Variants in TCEAL4 observed in about 807,000 individuals in gnomAD.
TCEAL4 encodes the protein transcription elongation factor A like 4, also known as transcription elongation factor A protein-like 4.
In TCEAL4, 1 loss-of-function variant was observed where a neutral mutation model predicts 1.3. That is an observed-to-expected ratio of 0.79 (90% CI 0.28 to 3.76). The LOEUF (loss-of-function observed/expected upper bound fraction) is 3.76, where lower values mean the gene tolerates loss of function less well. Ranked by LOEUF, TCEAL4 falls within the 30% of genes most tolerant of loss-of-function variation. TCEAL4 has a pLI of 0.18. For synonymous variants in TCEAL4, 54 were observed against 50.7 expected, an observed-to-expected ratio of 1.06 and a Z score of -0.28; for missense variants, 129 against 154.7, an observed-to-expected ratio of 0.83 and a Z score of 0.88.
In TCEAL4 at chrX:103,587,181, A is replaced by C; in HGVS notation, c.506A>C (p.Lys169Thr). The change falls in exon 3 of 3, where the codon AAG (lysine) becomes ACG (threonine). Residue 169 changes from lysine to threonine, a missense_variant. Physicochemically the swap from Lys to Thr is moderately conservative, Grantham distance 78 (BLOSUM62 -1). This residue lies in a region of TCEAL4 where 116 missense variants were observed against 120.3 expected (regional missense o/e 0.96). Coordinates refer to ENST00000472484, the MANE Select transcript of TCEAL4 (RefSeq NM_001006935.3). ...FDNMAKVQDE[K>T]RKSKQKLGAF... Reference sequence around the variant, plus strand: ...AATATGGCTAAGGTGCAGGATGAGAAGAGAAAAAGCAAACAGAAATTGGGG... The same window carrying C: ...AATATGGCTAAGGTGCAGGATGAGACGAGAAAAAGCAAACAGAAATTGGGG... 8.3e-7 allele frequency: 1 copy of C among 1,211,574 alleles called. No individual in the cohort carries two copies. Among genetic ancestry groups the C allele is most frequent in the Non-Finnish European group, 1.1e-6 (1 of 895,414 alleles).
intron 1 of TCEAL4, 125 bp downstream of exon 1, chrX:103,585,749 A>G: frequency 2.6e-6 from 3 of 1,152,152 alleles, no homozygotes; most frequent in South Asian, 2.0e-5. Context: ...CCGAGTGTGG[A>G]CAGAGATGGC....
chrX:103,579,455 AT>A (rs758320454), intron 2 of TCEAL4, among the ~76,000 whole-genome samples: 290 of 111,781 alleles, frequency 2.6e-3, no homozygotes, highest in African/African-American at 7.9e-3. Context: ...TCTTTCAACA[AT>A]TTTTTTTAGT....
upstream of TCEAL4, among the ~76,000 whole-genome samples, chrX:103,584,670 T>G (rs1008965744): frequency 8.9e-5 from 10 of 112,415 alleles, no homozygotes; most frequent in East Asian, 2.8e-3. Flanking sequence ...TCACAGCTTT[T>G]TTATAGCAAG....
Position 103,587,449 on chromosome X carries a change from T to C in TCEAL4, c.*126T>C. On this transcript the variant is annotated 3_prime_UTR_variant, in exon 3 of 3. Coordinates refer to ENST00000472484, the MANE Select transcript of TCEAL4 (RefSeq NM_001006935.3). ...AATGCAGTGTTCTCAGTAGGAAATGTTCATCTGTTACATGGAAAAAATGTT... is the reference window on the plus strand; with the variant it reads ...AATGCAGTGTTCTCAGTAGGAAATGCTCATCTGTTACATGGAAAAAATGTT... The C allele has an allele frequency of 2.4e-6, 2 of 833,769 alleles. No individual in the cohort carries two copies. The highest frequency in any genetic ancestry group is 3.2e-6 in the Non-Finnish European group (2 of 622,424). 68.7% of individuals were successfully genotyped at this position (833,769 alleles called of 1,213,427 possible).
upstream of TCEAL4, among the ~76,000 whole-genome samples, chrX:103,583,788 A>T (rs1225599883): frequency 1.8e-5 from 2 of 111,892 alleles, no homozygotes; most frequent in Non-Finnish European, 3.8e-5. Flanking sequence ...TATACAGCAA[A>T]CCACCATGGC....
chrX:103,578,901 A>G (rs779818061), intron 2 of TCEAL4, among the ~76,000 whole-genome samples: 32 of 111,759 alleles, frequency 2.9e-4, no homozygotes, highest in Admixed American at 9.5e-5. Flanking sequence ...TATCTAAAAA[A>G]CCATTGCCTA....
chrX:103,581,784 T>C (rs2073509454), upstream of TCEAL4, among the ~76,000 whole-genome samples: 1 of 111,793 alleles, frequency 8.9e-6, no homozygotes, highest in South Asian at 3.7e-4. Flanking sequence ...ACAGTCAATA[T>C]CAGACTGAAT....
intron 1 of TCEAL4, 156 bp downstream of exon 1, chrX:103,585,780 TG>T (rs1402259252): frequency 8.9e-7 from 1 of 1,121,517 alleles, no homozygotes; most frequent in Non-Finnish European, 1.2e-6. Flanking sequence ...CGGCTAGGGG[TG>T]GCTGAGGGGG....
Position 103,586,913 on chromosome X carries a change from G to C in TCEAL4, c.238G>C (p.Gly80Arg). ...AAAAGAAGGAAAGTCAGAGAGGGAG[G>C]GAGAGTCAGAGATGGAGGGAGGATC... The part of the protein sequence containing the change: ...EAKEGKSERE[G>R]ESEMEGGSER... Residue 80 changes from glycine (G) to arginine (R), a missense_variant, in exon 3 of 3, where the codon GGA (glycine) becomes CGA (arginine). By Grantham distance (125) the Gly-to-Arg change is moderately radical. Transcript: ENST00000472484. 1 of 1,201,285 alleles carries C rather than the reference G, an allele frequency of 8.3e-7. No homozygotes were observed. The highest frequency in any genetic ancestry group is 1.1e-6 in the Non-Finnish European group (1 of 890,170).
Position 103,586,889 on chromosome X carries a change from AAAG to A in TCEAL4, c.218_220del (p.Glu73del). 1 of 1,196,317 alleles carries A rather than the reference AAAG, an allele frequency of 8.4e-7. No individual in the cohort carries two copies. Among genetic ancestry groups the A allele is most frequent in the Non-Finnish European group, 1.1e-6 (1 of 887,807 alleles). ...AAAGCCAGAGAGTGAGGGAGAGGCA[AAAG>A]AAGGAAAGTCAGAGAGGGAGGGAGA... On this transcript the variant is annotated inframe_deletion, in exon 3 of 3. Coordinates refer to ENST00000472484, the MANE Select transcript of TCEAL4 (RefSeq NM_001006935.3).
At chrX:103,583,654 A>G (rs184220541), upstream of TCEAL4, among the ~76,000 whole-genome samples, 51 of 111,871 alleles carry the variant, frequency 4.6e-4, no homozygotes, top group Non-Finnish European at 3.2e-4. Flanking sequence ...GAGCTGAATG[A>G]TGAGAACACA....
chrX:103,576,569 G>A, intron 1 of TCEAL4: 1 of 798,239 alleles, frequency 1.3e-6, no homozygotes, highest in South Asian at 2.4e-5. Context: ...TTTGAGGCCA[G>A]CCTGGCCAAC....
chrX:103,577,335 T>G, intron 2 of TCEAL4: 2 of 850,324 alleles, frequency 2.4e-6, no homozygotes, highest in African/African-American at 2.0e-5. Context: ...TTGGTAACTC[T>G]AAAGAGTAGA....
chrX:103,580,128 A>G (rs1280528773), intron 2 of TCEAL4, among the ~76,000 whole-genome samples: 1 of 112,351 alleles, frequency 8.9e-6, no homozygotes, highest in Non-Finnish European at 1.9e-5. Context: ...CTAGAGGGCA[A>G]TATCACTTAC....
upstream of TCEAL4, among the ~76,000 whole-genome samples, chrX:103,581,044 G>T (rs1416127975): frequency 6.3e-5 from 7 of 111,342 alleles, no homozygotes; most frequent in African/African-American, 2.0e-4. Flanking sequence ...AAATGATAGG[G>T]GGATATCACC....
upstream of TCEAL4, among the ~76,000 whole-genome samples, chrX:103,583,237 G>A (rs1226333246): frequency 1.8e-5 from 2 of 112,264 alleles, no homozygotes; most frequent in Admixed American, 1.9e-4. Context: ...TGAGGCTGCA[G>A]AGAAAAAGAA....
At chrX:103,576,324 A>G in exon 1 of TCEAL4, 2 of 726,950 alleles carry the variant, frequency 2.8e-6, no homozygotes, top group Non-Finnish European at 2.0e-6. Context: ...GATTTATTTT[A>G]CTCCTAGTAT....
At chrX:103,577,148 T>A in exon 2 of TCEAL4, 17 of 1,167,151 alleles carry the variant, frequency 1.5e-5, no homozygotes, top group Non-Finnish European at 1.9e-5. Context: ...ATGCGAAGAA[T>A]GGAAAGGTCA....
At chrX:103,578,720 A>G (rs1055056320) in intron 2 of TCEAL4, among the ~76,000 whole-genome samples, 1 of 111,860 alleles carries the variant, frequency 8.9e-6, no homozygotes, top group East Asian at 2.8e-4. Flanking sequence ...AGTATTCTCT[A>G]TGTATTATAG....
Sources: gnomAD v4.1 joint callset for allele counts (sites outside exome capture counted in the v4.1 genomes callset) on GRCh38, gnomAD v4.1.1 for gene constraint, gnomAD v4.1.1 regional missense constraint, MANE v1.5 for transcripts, NCBI Gene and HGNC (gene_info 2026-07-23, HGNC 2026-07-21) for gene names.